IVD: variants seen among roughly 807,000 people sequenced by gnomAD.
IVD encodes isovaleryl-CoA dehydrogenase, mitochondrial.
Under a neutral mutation model 51.3 loss-of-function variants are expected in IVD, and 31 were observed. The ratio of observed to expected loss-of-function variants is 0.60; its 90% CI spans 0.45 to 0.81. IVD has a LOEUF of 0.81. Among genes scored for constraint, IVD ranks in the 40% least tolerant of loss-of-function variants. IVD has a pLI of 0.00. For missense variants in IVD, 475 were observed against 552.0 expected, an observed-to-expected ratio of 0.86 and a Z score of 1.40; for synonymous variants, 205 against 219.4, an observed-to-expected ratio of 0.93 and a Z score of 0.58.
chr15:40,433,784 A>G, intron 7 of IVD: 2 of 450,016 alleles, frequency 4.4e-6, no homozygotes, highest in South Asian at 1.6e-5. Flanking sequence ...GTATCATGCC[A>G]TGTTCTCAGG....
downstream of IVD, among the ~76,000 whole-genome samples, chr15:40,427,108 C>T (rs1266159742): frequency 6.6e-6 from 1 of 152,200 alleles, no homozygotes; most frequent in Non-Finnish European, 1.5e-5. Flanking sequence ...TCAGCACAGG[C>T]AGTACCTCCG....
In IVD at chr15:40,418,780, C is replaced by T. The variant is rs1566944093; in HGVS notation, c.*517C>T. 1 of 1,089,896 alleles carries T rather than the reference C, an allele frequency of 9.2e-7. No homozygotes were observed. The highest frequency in any genetic ancestry group is 1.1e-6 in the Non-Finnish European group (1 of 890,170). The allele number at this position is 1,089,896 out of a possible 1,614,324, so 67.5% of individuals were successfully genotyped here. On this transcript the variant is annotated 3_prime_UTR_variant, in exon 12 of 12. Transcript: ENST00000487418. The stretch of plus-strand genomic sequence containing the variant: ...CTGAAATCTGAAACACTTGTGGTTC[C>T]AAGCATTTTGGATAAGGCAAATTCA...
Position 40,410,333 on chromosome 15 carries a change from G to T in IVD, c.287-295G>T, listed in dbSNP as rs578259945. On this transcript the variant is annotated intron_variant, in intron 3 of 11. Transcript: ENST00000487418. ...CCTCTGCATTTCTGTAACTTTCTGA[G>T]TAGTGGGTGCTCAGGTTGTTCACGT... 2.0e-5 allele frequency among the ~76,000 whole-genome samples: 3 copies of T among 152,250 alleles called. No homozygotes were observed. In the East Asian group the frequency reaches 5.8e-4, roughly 29 times the overall value.
chr15:40,412,698 G>A (rs1051778192), intron 6 of IVD: 17 of 418,572 alleles, frequency 4.1e-5, no homozygotes, highest in African/African-American at 2.4e-4. Context: ...CCCTGGGGGA[G>A]GGAAATAAGG....
In IVD at chr15:40,414,765, A is replaced by C. The variant is rs1469235584; in HGVS notation, c.785-124A>C. ...TTCTTTCACCTGGAACCTTAGTTGAATAAAGGTCAAGTGACATATTTTAGT... is the reference window on the plus strand; with the variant it reads ...TTCTTTCACCTGGAACCTTAGTTGACTAAAGGTCAAGTGACATATTTTAGT... On this transcript the variant is annotated intron_variant, in intron 7 of 11. Coordinates refer to ENST00000487418, the MANE Select transcript of IVD (RefSeq NM_002225.5). The C allele has an allele frequency of 4.7e-6, 7 of 1,490,158 alleles. No individual in the cohort carries two copies. The East Asian group carries it at 7.6e-5, about 16-fold the overall frequency. 92.3% of individuals were successfully genotyped at this position (1,490,158 alleles called of 1,614,324 possible).
At position 40,420,108 on chromosome 15, in the gene IVD, A is replaced by C; in HGVS notation, c.*1845A>C. ...ACAGAGTGAGACTCTGTCTCAAAAA[A>C]TAATAATAAAATAAATGAACACACA... On this transcript the variant is annotated 3_prime_UTR_variant, in exon 12 of 12. Coordinates refer to ENST00000487418, the MANE Select transcript of IVD (RefSeq NM_002225.5). 1.0e-6 allele frequency: 1 copy of C among 984,632 alleles called. No individual in the cohort carries two copies. Among genetic ancestry groups the C allele is most frequent in the African/African-American group, 1.7e-5 (1 of 57,340 alleles). 61.0% of individuals were successfully genotyped at this position (984,632 alleles called of 1,614,324 possible). A position where few individuals can be genotyped will look rare whatever the true frequency, so the allele number is the denominator to read the frequency against.
At chr15:40,434,763 C>G (rs942761433) in intron 8 of IVD, among the ~76,000 whole-genome samples, 1 of 152,184 alleles carries the variant, frequency 6.6e-6, no homozygotes, top group Non-Finnish European at 1.5e-5. Context: ...TGGGCACGAC[C>G]TATGCTGGAG....
intron 4 of IVD, among the ~76,000 whole-genome samples, 161 bp downstream of exon 4, chr15:40,410,958 G>A (rs1327472773): frequency 6.6e-6 from 1 of 152,192 alleles, no homozygotes; most frequent in Non-Finnish European, 1.5e-5. Context: ...AAATACTTGA[G>A]CCAAAAATAA....
intron 3 of IVD, among the ~76,000 whole-genome samples, chr15:40,408,826 T>C (rs2141310428): frequency 6.6e-6 from 1 of 152,246 alleles, no homozygotes; most frequent in East Asian, 1.9e-4. Context: ...GGTACATCCC[T>C]GTAATCCCAG....
At chr15:40,435,736 C>T (rs1893231833), downstream of IVD, 6 of 990,560 alleles carry the variant, frequency 6.1e-6, no homozygotes, top group Non-Finnish European at 7.2e-6. Context: ...TTTGCTGAAA[C>T]TGGTACTCGG....
At chr15:40,435,616 T>G (rs958307499), downstream of IVD, 2 of 1,099,898 alleles carry the variant, frequency 1.8e-6, no homozygotes, top group Admixed American at 7.7e-5. Context: ...TTCTATGTTC[T>G]CCAACGTCTT....
chr15:40,417,988 A>G, intron 11 of IVD, 142 bp from the exon 12 acceptor site: 33 of 961,146 alleles, frequency 3.4e-5, no homozygotes, highest in Non-Finnish European at 4.4e-5. Flanking sequence ...TATTCCCCAC[A>G]CCCCTCCCTC....
chr15:40,418,547 G>C lies in IVD; in HGVS notation c.*284G>C, dbSNP rs147206510. 8.1e-6 allele frequency: 10 copies of C among 1,238,574 alleles called. No homozygotes were observed. In the African/African-American group the frequency reaches 1.2e-4, roughly 15 times the overall value. The allele number at this position is 1,238,574 out of a possible 1,614,324, so 76.7% of individuals were successfully genotyped here. ...CAGGTTTTGGTGACTCTGTGCCCTT[G>C]CTCTCTAACTTCTGAGCCCACCTCC... On this transcript the variant is annotated 3_prime_UTR_variant, in exon 12 of 12. Coordinates refer to ENST00000487418, the MANE Select transcript of IVD (RefSeq NM_002225.5).
downstream of IVD, among the ~76,000 whole-genome samples, chr15:40,428,640 T>C (rs73385155): frequency 1.3e-3 from 194 of 152,192 alleles, no homozygotes; most frequent in African/African-American, 4.6e-3. Context: ...TCAGAGACCT[T>C]TGTATTGCAG....
At chr15:40,409,946 C>T (rs1281383002) in intron 3 of IVD, among the ~76,000 whole-genome samples, 1 of 151,688 alleles carries the variant, frequency 6.6e-6, no homozygotes, top group African/African-American at 2.4e-5. Context: ...ACACCATTCT[C>T]CTGCTTCAGC....
At chr15:40,413,972 T>C (rs1355166495) in intron 7 of IVD, among the ~76,000 whole-genome samples, 1 of 152,174 alleles carries the variant, frequency 6.6e-6, no homozygotes, top group Non-Finnish European at 1.5e-5. Context: ...GTGATTCTCC[T>C]GTCTCAGCCT....
rs368039768 is a variant in IVD, at chr15:40,410,793, C to T, written c.452C>T (p.Pro151Leu). 13 of 1,614,056 alleles carry T rather than the reference C, an allele frequency of 8.1e-6. No individual in the cohort carries two copies. The highest frequency in any genetic ancestry group is 8.0e-5 in the African/African-American group (6 of 75,028). ...GNEAQKEKYL[P>L]KLISGEYIGA... Reference sequence around the variant, plus strand: ...GAGGCCCAGAAAGAGAAGTATCTCCCGAAGGTGAGGAAATGGAAATGTAAT... The same window carrying T: ...GAGGCCCAGAAAGAGAAGTATCTCCTGAAGGTGAGGAAATGGAAATGTAAT... Residue 151 changes from proline (P) to leucine (L), a missense_variant, in exon 4 of 12, where the codon CCG becomes CTG. Coordinates refer to ENST00000487418, the MANE Select transcript of IVD (RefSeq NM_002225.5).
chr15:40,412,634 A>G (rs1891198624), intron 6 of IVD: 1 of 340,528 alleles, frequency 2.9e-6, no homozygotes, highest in Non-Finnish European at 5.7e-6. Context: ...ACAGGAGAAC[A>G]ACAGAGGATA....
In IVD at chr15:40,417,902, G is replaced by T. The variant is rs11070271; in HGVS notation, c.1139-228G>T. ...GGGAAAAAAACAACATATATATGGGGTTCGGTACTATCTACGGTTTCAGGC... is the reference window on the plus strand; with the variant it reads ...GGGAAAAAAACAACATATATATGGGTTTCGGTACTATCTACGGTTTCAGGC... On this transcript the variant is annotated intron_variant, in intron 11 of 11. Coordinates refer to ENST00000487418, the MANE Select transcript of IVD (RefSeq NM_002225.5). Among the ~76,000 whole-genome samples, 69,957 of 151,726 alleles carry T rather than the reference G, an allele frequency of 0.46. 18,132 individuals carry two copies. Among genetic ancestry groups the T allele is most frequent in the East Asian group, 0.79 (4,065 of 5,140 alleles).
Sources: gnomAD v4.1 joint callset for allele counts (sites outside exome capture counted in the v4.1 genomes callset) on GRCh38, gnomAD v4.1.1 for gene constraint, MANE v1.5 for transcripts, NCBI Gene and HGNC (gene_info 2026-07-23, HGNC 2026-07-21) for gene names.